ASIC2: variants seen among roughly 807,000 people sequenced by gnomAD.
ASIC2 encodes acid sensing ion channel subunit 2, also known as acid-sensing ion channel 2.
In ASIC2, 25 loss-of-function variants were observed where a neutral mutation model predicts 57.3. That is an observed-to-expected ratio of 0.44 (90% confidence interval 0.32 to 0.61). The LOEUF (loss-of-function observed/expected upper bound fraction) is 0.61, where lower values mean the gene tolerates loss of function less well. Ranked by LOEUF, ASIC2 falls within the 20% of genes least tolerant of loss-of-function variation. ASIC2 has a pLI of 0.06. For synonymous variants in ASIC2, 319 were observed against 307.5 expected, an observed-to-expected ratio of 1.04 and a Z score of -0.39; for missense variants, 641 against 738.1, an observed-to-expected ratio of 0.87 and a Z score of 1.52.
intron 3 of ASIC2, among the ~76,000 whole-genome samples, chr17:33,079,652 T>C (rs1465354825): frequency 6.6e-6 from 1 of 152,112 alleles, no homozygotes; most frequent in African/African-American, 2.4e-5. Context: ...AGTGAGGCAG[T>C]TGTTGTTCTT....
chr17:34,028,477 G>A (rs1907460728), intron 1 of ASIC2, among the ~76,000 whole-genome samples: 2 of 152,022 alleles, frequency 1.3e-5, no homozygotes, highest in African/African-American at 4.8e-5. Flanking sequence ...GTGTAGTCTG[G>A]TTGGTGTAGG....
intron 3 of ASIC2, among the ~76,000 whole-genome samples, chr17:33,032,543 G>A (rs759752295): frequency 6.9e-6 from 1 of 144,296 alleles, no homozygotes; most frequent in Admixed American, 7.2e-5. Context: ...CTGTCTCCTG[G>A]GTTTAAGCAA....
intron 1 of ASIC2, among the ~76,000 whole-genome samples, chr17:33,995,883 A>ATATATATT (rs1906144180): frequency 6.6e-6 from 1 of 152,188 alleles, no homozygotes; most frequent in Admixed American, 6.5e-5. Context: ...CAGAAGTAGG[A>ATATATATT]TTGCTGGATC....
At chr17:34,074,485 G>A (rs1909548351) in intron 1 of ASIC2, among the ~76,000 whole-genome samples, 1 of 152,110 alleles carries the variant, frequency 6.6e-6, no homozygotes, top group Non-Finnish European at 1.5e-5. Context: ...TAGGAGGTCT[G>A]TCTTTACAAG....
chr17:33,459,059 G>T (rs1912546523), intron 1 of ASIC2, among the ~76,000 whole-genome samples: 1 of 151,734 alleles, frequency 6.6e-6, no homozygotes, highest in Non-Finnish European at 1.5e-5. Flanking sequence ...GTCAATTCTG[G>T]TGACCGCATT....
chr17:33,077,610 G>T (rs2092094493), intron 3 of ASIC2, among the ~76,000 whole-genome samples: 1 of 150,638 alleles, frequency 6.6e-6, no homozygotes, highest in African/African-American at 2.5e-5. Flanking sequence ...GGTATTTTGG[G>T]GATGGAGCAG....
At chr17:33,841,420 G>A (rs1403058404) in intron 1 of ASIC2, among the ~76,000 whole-genome samples, 1 of 152,184 alleles carries the variant, frequency 6.6e-6, no homozygotes, top group Non-Finnish European at 1.5e-5. Context: ...CTAAAGTGCT[G>A]GAGGCTATTA....
chr17:33,288,753 CACACACAACT>C (rs1905297535), intron 1 of ASIC2, among the ~76,000 whole-genome samples: 2 of 137,440 alleles, frequency 1.5e-5, no homozygotes, highest in South Asian at 4.5e-4. Flanking sequence ...CACACACACA[CACACACAACT>C]AATATGGTGT....
At chr17:33,508,817 C>A (rs931136263) in intron 1 of ASIC2, among the ~76,000 whole-genome samples, 2 of 152,132 alleles carry the variant, frequency 1.3e-5, no homozygotes, top group African/African-American at 4.8e-5. Context: ...GGAATAGCTC[C>A]CATCACTCAC....
chr17:33,674,851 A>G (rs1907764012), intron 1 of ASIC2, among the ~76,000 whole-genome samples: 1 of 152,194 alleles, frequency 6.6e-6, no homozygotes. Flanking sequence ...TAGGCCCTGC[A>G]TTTGTGGTCT....
intron 1 of ASIC2, among the ~76,000 whole-genome samples, chr17:33,308,065 G>T (rs1036164121): frequency 6.6e-6 from 1 of 152,246 alleles, no homozygotes; most frequent in South Asian, 2.1e-4. Context: ...TTGTACACTG[G>T]TATGTTCTAA....
chr17:33,272,967 C>T (rs1314643696), intron 1 of ASIC2, among the ~76,000 whole-genome samples: 2 of 152,190 alleles, frequency 1.3e-5, no homozygotes, highest in Non-Finnish European at 2.9e-5. Flanking sequence ...TCCACGCCAG[C>T]CTCCTTTTCC....
At chr17:34,011,075 G>T (rs1261628693) in intron 1 of ASIC2, among the ~76,000 whole-genome samples, 35 of 2,614 alleles carry the variant, frequency 0.013, no homozygotes, top group African/African-American at 0.03. Flanking sequence ...ATGCCTCCAG[G>T]CAGACACATG....
chr17:33,744,321 A>G (rs1434575792), intron 1 of ASIC2, among the ~76,000 whole-genome samples: 3 of 152,224 alleles, frequency 2.0e-5, no homozygotes, highest in Non-Finnish European at 4.4e-5. Context: ...TGTTGAAAAC[A>G]GCAAAGCAAG....
At position 33,191,300 on chromosome 17, in the gene ASIC2, G is replaced by C. The variant is rs149033267; in HGVS notation, c.709-79233C>G. Among the ~76,000 whole-genome samples, 386 of 152,202 alleles carry C rather than the reference G, an allele frequency of 2.5e-3. 1 individual carries two copies. The highest frequency in any genetic ancestry group is 9.0e-3 in the African/African-American group (373 of 41,518). ...CCAGCTAATCTACACTGACAGAGACGGATCAGTAGTTTCCTTGGTGTGGAG... is the reference window on the plus strand; with the variant it reads ...CCAGCTAATCTACACTGACAGAGACCGATCAGTAGTTTCCTTGGTGTGGAG... On this transcript the variant is annotated intron_variant, in intron 1 of 9. Transcript: ENST00000225823.
chr17:33,055,906 C>A (rs1245932512), intron 3 of ASIC2, among the ~76,000 whole-genome samples: 1 of 152,176 alleles, frequency 6.6e-6, no homozygotes, highest in East Asian at 1.9e-4. Context: ...CCGCACTCTG[C>A]GTCAGAATCA....
intron 3 of ASIC2, among the ~76,000 whole-genome samples, chr17:33,082,396 AT>A (rs759924418): frequency 3.2e-4 from 48 of 152,196 alleles, no homozygotes; most frequent in Non-Finnish European, 3.4e-4. Context: ...AAGGCTTCTG[AT>A]ATCAAATCAT....
chr17:34,056,886 G>T (rs1242730593), intron 1 of ASIC2, among the ~76,000 whole-genome samples: 1 of 152,130 alleles, frequency 6.6e-6, no homozygotes, highest in Non-Finnish European at 1.5e-5. Context: ...CAACCCATTC[G>T]TGTGAAAACA....
intron 1 of ASIC2, among the ~76,000 whole-genome samples, chr17:33,236,529 T>A (rs1406878861): frequency 6.6e-6 from 1 of 151,802 alleles, no homozygotes; most frequent in African/African-American, 2.4e-5. Flanking sequence ...TTTGTAGGCA[T>A]GAGGTCTTGC....
Sources: allele counts gnomAD v4.1 joint callset (sites outside exome capture counted in the v4.1 genomes callset), GRCh38; gene constraint gnomAD v4.1.1; transcripts MANE v1.5; gene names NCBI Gene and HGNC (gene_info 2026-07-23, HGNC 2026-07-21).